CNBD1: variants seen among roughly 807,000 people sequenced by gnomAD.
CNBD1 encodes cyclic nucleotide binding domain containing 1.
CNBD1 carries 71 observed loss-of-function variants against 54.4 expected under a neutral mutation model. That is an observed-to-expected ratio of 1.30 (90% confidence interval 1.08 to 1.59). CNBD1 has a LOEUF of 1.59. CNBD1 is among the 40% of genes most tolerant of loss of function. The pLI, the probability that CNBD1 is intolerant of heterozygous loss-of-function variation, is 0.00. For missense variants in CNBD1, 659 were observed against 518.0 expected, an observed-to-expected ratio of 1.27 and a Z score of -2.64; for synonymous variants, 182 against 170.7, an observed-to-expected ratio of 1.07 and a Z score of -0.51.
intron 5 of CNBD1, among the ~76,000 whole-genome samples, chr8:87,235,072 C>A (rs1807557301): frequency 6.6e-6 from 1 of 152,198 alleles, no homozygotes; most frequent in Admixed American, 6.5e-5. Flanking sequence ...TGCTAGCTCT[C>A]AGCTTTTCAT....
rs907180345 is a variant in CNBD1 at position 87,224,062 on chromosome 8, G to A, written c.578-12857G>A. Among the ~76,000 whole-genome samples, 594 of 151,068 alleles carry A rather than the reference G, an allele frequency of 3.9e-3. 3 individuals are homozygous for A. Among genetic ancestry groups the A allele is most frequent in the African/African-American group, 0.014 (565 of 40,772 alleles). ...CTTCTTTTGAGAAGTGTCTGTTCAT[G>A]TCCTTCACCCACTTTTTGATGGGGT... On this transcript the variant is annotated intron_variant, in intron 5 of 10. Coordinates refer to ENST00000518476, the MANE Select transcript of CNBD1 (RefSeq NM_173538.3).
In CNBD1 at chr8:87,392,641, C is replaced by T. The variant is rs1257222813; in HGVS notation, c.214-35905C>T. Among the ~76,000 whole-genome samples, 4 of 152,010 alleles carry T rather than the reference C, an allele frequency of 2.6e-5. No individual in the cohort carries two copies. The East Asian group carries it at 7.7e-4, about 29-fold the overall frequency. Reference sequence around the variant, plus strand: ...AGAAAGTCGATTAGCTGTTGCTAGGCATGAGGAAGAGGGTGGAGAGGAATG... The same window carrying T: ...AGAAAGTCGATTAGCTGTTGCTAGGTATGAGGAAGAGGGTGGAGAGGAATG... On this transcript the variant is annotated intron_variant, in intron 2 of 7. Transcript: ENST00000521593.
intron 2 of CNBD1, among the ~76,000 whole-genome samples, chr8:87,390,766 A>T (rs948270783): frequency 2.6e-5 from 4 of 152,216 alleles, no homozygotes; most frequent in Non-Finnish European, 5.9e-5. Context: ...CTTATAAAAC[A>T]TGCTGCTATA....
At chr8:87,223,167 T>C (rs1202945481) in intron 5 of CNBD1, among the ~76,000 whole-genome samples, 1 of 151,264 alleles carries the variant, frequency 6.6e-6, no homozygotes, top group East Asian at 1.9e-4. Context: ...CCATACGTAT[T>C]TAATCTATCC....
At chr8:87,175,831 T>G (rs566572929) in intron 4 of CNBD1, among the ~76,000 whole-genome samples, 1 of 152,270 alleles carries the variant, frequency 6.6e-6, no homozygotes, top group Non-Finnish European at 1.5e-5. Context: ...TGTTTCAAGT[T>G]TATTTAGAGT....
At chr8:87,070,142 G>A (rs1810731211) in intron 4 of CNBD1, among the ~76,000 whole-genome samples, 1 of 152,030 alleles carries the variant, frequency 6.6e-6, no homozygotes, top group South Asian at 2.1e-4. Context: ...ACTTAGTCCT[G>A]GTGAGGAAAG....
rs1426234376 is a variant in CNBD1 at position 87,163,754 on chromosome 8, G to T, written c.432-42239G>T. On this transcript the variant is annotated intron_variant, in intron 4 of 10. Transcript: ENST00000518476. The surrounding 1 kb of genome is among the most constrained non-coding windows in gnomAD (Gnocchi z 4.5). ...TTTTAAATATAAGATTATGTCATCT[G>T]CAAAAAGATAATTTTACTTTCTTAT... Among the ~76,000 whole-genome samples, 1 of 151,494 alleles carries T rather than the reference G, an allele frequency of 6.6e-6. No homozygotes were observed. Among genetic ancestry groups the T allele is most frequent in the Non-Finnish European group, 1.5e-5 (1 of 67,790 alleles).
At position 87,100,160 on chromosome 8, in the gene CNBD1, C is replaced by T. The variant is rs148692281; in HGVS notation, c.432-105833C>T. Among the ~76,000 whole-genome samples the T allele has an allele frequency of 7.7e-3, 1,166 of 152,224 alleles. 15 individuals carry two copies. The highest frequency in any genetic ancestry group is 0.027 in the African/African-American group (1,113 of 41,518). Reference sequence around the variant, plus strand: ...GAAGACTGAAAATTAACCATAGCATCGAGCAATTTGGGGCCGTTGGTGATG... The same window carrying T: ...GAAGACTGAAAATTAACCATAGCATTGAGCAATTTGGGGCCGTTGGTGATG... On this transcript the variant is annotated intron_variant, in intron 4 of 10. Transcript: ENST00000518476.
rs376880328 is a variant in CNBD1, at chr8:87,151,538, G to A, written c.432-54455G>A. The stretch of plus-strand genomic sequence containing the variant: ...AAGGGGAATATACCACATCTACAAT[G>A]TTATAGTCCAATGTATGGACCCCTA... On this transcript the variant is annotated intron_variant, in intron 4 of 10. Transcript: ENST00000518476. 2.0e-5 allele frequency among the ~76,000 whole-genome samples: 3 copies of A among 152,262 alleles called. No individual in the cohort carries two copies. The East Asian group carries it at 5.8e-4, about 29-fold the overall frequency.
chr8:87,136,054 T>G (rs1586280701), intron 4 of CNBD1, among the ~76,000 whole-genome samples: 1 of 152,138 alleles, frequency 6.6e-6, no homozygotes, highest in African/African-American at 2.4e-5. Flanking sequence ...ATGGCATAGG[T>G]TTTATCCTTC....
intron 3 of CNBD1, among the ~76,000 whole-genome samples, chr8:86,917,876 A>G (rs1809212457): frequency 6.6e-6 from 1 of 152,224 alleles, no homozygotes; most frequent in Non-Finnish European, 1.5e-5. Context: ...TACCTGACAG[A>G]AACAAAGTTA....
intron 8 of CNBD1, among the ~76,000 whole-genome samples, chr8:87,331,802 T>C (rs978481505): frequency 6.6e-6 from 1 of 152,234 alleles, no homozygotes; most frequent in Non-Finnish European, 1.5e-5. Context: ...TATGCATTTC[T>C]CTAATGATTA....
intron 2 of CNBD1, among the ~76,000 whole-genome samples, chr8:87,413,915 CT>C (rs1807793807): frequency 6.6e-6 from 1 of 151,276 alleles, no homozygotes; most frequent in African/African-American, 2.4e-5. Context: ...CACTTTTACA[CT>C]GTTGGTGGGA....
chr8:87,309,641 T>G (rs1268396491), intron 8 of CNBD1, among the ~76,000 whole-genome samples: 2 of 152,138 alleles, frequency 1.3e-5, no homozygotes, highest in African/African-American at 4.8e-5. Flanking sequence ...TAGCTGTGTG[T>G]CTGTATCTAT....
intron 4 of CNBD1, among the ~76,000 whole-genome samples, chr8:87,127,176 A>G (rs186500131): frequency 1.3e-5 from 2 of 152,074 alleles, no homozygotes; most frequent in African/African-American, 4.8e-5. Context: ...TGTTAGAATT[A>G]GGTTGTCAAC....
At chr8:86,984,872 T>A (rs182051744) in intron 4 of CNBD1, among the ~76,000 whole-genome samples, 11 of 152,262 alleles carry the variant, frequency 7.2e-5, no homozygotes, top group African/African-American at 2.4e-4. Flanking sequence ...TTTGAGTTAA[T>A]GGTGAAATGA....
chr8:87,385,326 C>A (rs568915505), downstream of CNBD1, among the ~76,000 whole-genome samples: 2 of 152,102 alleles, frequency 1.3e-5, no homozygotes, highest in African/African-American at 4.8e-5. Flanking sequence ...CAAGGCATCG[C>A]CTCACCCGGG....
chr8:87,389,112 G>C (rs887115075), intron 2 of CNBD1, among the ~76,000 whole-genome samples: 1 of 152,078 alleles, frequency 6.6e-6, no homozygotes, highest in South Asian at 2.1e-4. Context: ...AAAATTATAA[G>C]AGCTATTTAT....
At chr8:87,318,024 T>C (rs1438977336) in intron 8 of CNBD1, among the ~76,000 whole-genome samples, 1 of 152,050 alleles carries the variant, frequency 6.6e-6, no homozygotes, top group Non-Finnish European at 1.5e-5. Context: ...ATATCAGACA[T>C]TTTAGTTTCC....
Sources: allele counts gnomAD v4.1 joint callset (sites outside exome capture counted in the v4.1 genomes callset), GRCh38; gene constraint gnomAD v4.1.1; non-coding constraint Gnocchi (gnomAD v3.1); transcripts MANE v1.5; gene names NCBI Gene and HGNC (gene_info 2026-07-23, HGNC 2026-07-21).